Variants in ATRX observed in about 807,000 individuals in gnomAD.
ATRX encodes the protein chromatin remodeler ATRX.
In ATRX, 12 loss-of-function variants were observed where a neutral mutation model predicts 172.6. The observed-to-expected ratio is 0.07, with a 90% CI of 0.04 to 0.11. ATRX has a LOEUF of 0.11. Ranked by LOEUF, ATRX falls within the 10% of genes least tolerant of loss-of-function variation. The pLI is 1.00. For missense variants in ATRX, 1,368 were observed against 1,767.4 expected, an observed-to-expected ratio of 0.77 and a Z score of 4.05; for synonymous variants, 674 against 594.7, an observed-to-expected ratio of 1.13 and a Z score of -1.94.
intron 1 of ATRX, among the ~76,000 whole-genome samples, chrX:77,734,445 T>C (rs1278007236): frequency 1.8e-5 from 2 of 109,818 alleles, no homozygotes; most frequent in Non-Finnish European, 3.8e-5. Context: ...TAAATATAAA[T>C]AAGTAAACGG....
intron 28 of ATRX, chrX:77,561,692 T>C (rs1441879634): frequency 2.7e-5 from 3 of 111,256 alleles, no homozygotes; most frequent in African/African-American, 9.8e-5. Context: ...TGACAACTCA[T>C]GGTACTATCT....
At chrX:77,599,908 T>C in intron 23 of ATRX, 88 bp from the exon 24 acceptor site, 8 of 770,808 alleles carry the variant, frequency 1.0e-5, no homozygotes, top group Non-Finnish European at 1.6e-5. Context: ...AATAAGTTAA[T>C]TGGCACGAGC....
chrX:77,537,330 G>A (rs1429232413), intron 30 of ATRX, among the ~76,000 whole-genome samples: 2 of 111,525 alleles, frequency 1.8e-5, no homozygotes, highest in African/African-American at 6.5e-5. Context: ...TGACCTTTGT[G>A]TCACTAAATC....
chrX:77,557,321 T>C, intron 30 of ATRX, 130 bp downstream of exon 30: 2 of 621,295 alleles, frequency 3.2e-6, no homozygotes, highest in Non-Finnish European at 5.1e-6. Flanking sequence ...ACAAAATTCA[T>C]TAAATATCAT....
intron 2 of ATRX, among the ~76,000 whole-genome samples, chrX:77,702,285 A>C (rs2072572299): frequency 9.0e-6 from 1 of 111,204 alleles, no homozygotes; most frequent in African/African-American, 3.3e-5. Context: ...TCTACTAAAA[A>C]TACAAAAATT....
At chrX:77,616,791 A>C in intron 21 of ATRX, 61 bp from the exon 22 acceptor site, 1 of 814,843 alleles carries the variant, frequency 1.2e-6, no homozygotes, top group African/African-American at 2.0e-5. Flanking sequence ...ATGAACTACA[A>C]GTTCTCATTG....
At chrX:77,656,432 T>C in intron 13 of ATRX, 128 bp downstream of exon 13, 1 of 520,648 alleles carries the variant, frequency 1.9e-6, no homozygotes, top group Non-Finnish European at 3.4e-6. Flanking sequence ...GTATAACAAT[T>C]AGTTTCAAAT....
chrX:77,713,942 A>G (rs1557163164), intron 2 of ATRX, among the ~76,000 whole-genome samples: 1 of 111,617 alleles, frequency 9.0e-6, no homozygotes, highest in African/African-American at 3.3e-5. Flanking sequence ...GATAATCAGG[A>G]GGAGATGAGA....
At chrX:77,574,421 C>T in intron 27 of ATRX, 63 bp from the exon 28 acceptor site, 1 of 813,272 alleles carries the variant, frequency 1.2e-6, no homozygotes, top group South Asian at 2.1e-5. Context: ...CTGGTAAGAA[C>T]AGATTTTCCA....
rs782482798 is a variant in ATRX, at chrX:77,683,537, A to G, written c.1719T>C (p.Gly573=). ...LNISSKDNRG[G]IKSKTTAKVT... is the part of the protein sequence containing the mutation. ...CTTTAGCTGTAGTTTTTGATTTAAT[A>G]CCTCCTCTGTTGTCTTTTGAAGAAA... Residue 573 remains glycine, a synonymous_variant, in exon 9 of 35, where the codon GGT becomes GGC. Transcript: ENST00000373344. 1 of 1,208,293 alleles carries G rather than the reference A, an allele frequency of 8.3e-7. No homozygotes were observed. Among genetic ancestry groups the G allele is most frequent in the Admixed American group, 2.2e-5 (1 of 45,904 alleles).
intron 30 of ATRX, among the ~76,000 whole-genome samples, chrX:77,551,772 G>C (rs2064530884): frequency 9.2e-6 from 1 of 109,044 alleles, no homozygotes; most frequent in African/African-American, 3.3e-5. Flanking sequence ...ATATTTACAA[G>C]AAAACAAACA....
chrX:77,514,386 G>C (rs1351401845), intron 34 of ATRX, among the ~76,000 whole-genome samples: 1 of 112,167 alleles, frequency 8.9e-6, no homozygotes, highest in East Asian at 2.8e-4. Context: ...AACCAAAACA[G>C]TGTGGTACTG....
At chrX:77,769,351 T>C (rs191877567) in intron 1 of ATRX, among the ~76,000 whole-genome samples, 127 of 108,793 alleles carry the variant, frequency 1.2e-3, no homozygotes, top group South Asian at 2.9e-3. Context: ...GGTGCTATCT[T>C]GGCTCACTGC....
intron 27 of ATRX, among the ~76,000 whole-genome samples, chrX:77,586,314 A>C (rs782044730): frequency 9.0e-6 from 1 of 111,638 alleles, no homozygotes; most frequent in Non-Finnish European, 1.9e-5. Context: ...CAGACATTGG[A>C]GTCAGGAGGA....
intron 2 of ATRX, among the ~76,000 whole-genome samples, chrX:77,706,426 C>T (rs1167965948): frequency 2.7e-5 from 3 of 111,219 alleles, no homozygotes; most frequent in Admixed American, 9.6e-5. Context: ...AAAACATTAA[C>T]TCAAAGTAGA....
At chrX:77,781,239 G>T (rs1410219746) in intron 1 of ATRX, among the ~76,000 whole-genome samples, 1 of 110,199 alleles carries the variant, frequency 9.1e-6, no homozygotes, top group Admixed American at 9.8e-5. Context: ...TCAGGAGATC[G>T]AGACCATCCT....
chrX:77,693,701 T>A (rs929908505), intron 6 of ATRX, 123 bp downstream of exon 6: 10 of 540,199 alleles, frequency 1.9e-5, no homozygotes, highest in Non-Finnish European at 3.2e-5. Flanking sequence ...AAGTTATATT[T>A]AAGTAGTGCT....
intron 30 of ATRX, among the ~76,000 whole-genome samples, chrX:77,552,587 T>C (rs2064594263): frequency 9.1e-6 from 1 of 110,474 alleles, no homozygotes; most frequent in Non-Finnish European, 1.9e-5. Context: ...GTTGTGTACA[T>C]GTACCCCAGA....
chrX:77,627,798 T>C (rs1209728981), intron 19 of ATRX, among the ~76,000 whole-genome samples: 2 of 110,068 alleles, frequency 1.8e-5, no homozygotes, highest in Non-Finnish European at 3.8e-5. Context: ...GCCCAGGATT[T>C]GAAGCTACAG....
Sources: gnomAD v4.1 joint callset for allele counts (sites outside exome capture counted in the v4.1 genomes callset) on GRCh38, gnomAD v4.1.1 for gene constraint, MANE v1.5 for transcripts, NCBI Gene and HGNC (gene_info 2026-07-23, HGNC 2026-07-21) for gene names.